AGBL1: variants seen among roughly 807,000 people sequenced by gnomAD.
AGBL1 encodes AGBL carboxypeptidase 1.
A neutral mutation model predicts 118.9 loss-of-function variants in AGBL1; 130 were observed. The ratio of observed to expected loss-of-function variants is 1.09; its 90% CI spans 0.95 to 1.26. The LOEUF is 1.26. Among genes scored for constraint, AGBL1 ranks in the 50% most tolerant of loss-of-function variants. The probability of loss-of-function intolerance (pLI) is 0.00; values close to 1 mark genes in which losing one functional copy is unlikely to be tolerated. For missense variants in AGBL1, 1,584 were observed against 1,298.1 expected, an observed-to-expected ratio of 1.22 and a Z score of -3.38; for synonymous variants, 555 against 478.9, an observed-to-expected ratio of 1.16 and a Z score of -2.08.
intron 18 of AGBL1, among the ~76,000 whole-genome samples, chr15:86,480,941 T>G (rs2082643118): frequency 6.6e-6 from 1 of 152,052 alleles, no homozygotes; most frequent in African/African-American, 2.4e-5. Context: ...TGGAAGCTTA[T>G]TCCAATAGCA....
intron 22 of AGBL1, among the ~76,000 whole-genome samples, chr15:86,779,795 A>G (rs1050694433): frequency 6.6e-6 from 1 of 151,848 alleles, no homozygotes; most frequent in Non-Finnish European, 1.5e-5. Flanking sequence ...TTTTATTTTT[A>G]TATTTTATTA....
chr15:86,637,384 G>T (rs1307581604), intron 21 of AGBL1, among the ~76,000 whole-genome samples: 1 of 152,066 alleles, frequency 6.6e-6, no homozygotes, highest in Non-Finnish European at 1.5e-5. Context: ...AAACACAAAT[G>T]AGAAAGGCAC....
chr15:86,699,284 T>A (rs2086315842), intron 22 of AGBL1, among the ~76,000 whole-genome samples: 1 of 152,064 alleles, frequency 6.6e-6, no homozygotes. Context: ...TTCAACTTTA[T>A]TCCTTAATAT....
chr15:86,883,524 CT>C (rs1210650562), intron 22 of AGBL1, among the ~76,000 whole-genome samples: 3 of 152,196 alleles, frequency 2.0e-5, no homozygotes, highest in Non-Finnish European at 4.4e-5. Flanking sequence ...CTGCCTCCCC[CT>C]GACAGAGTTA....
intron 18 of AGBL1, among the ~76,000 whole-genome samples, chr15:86,495,890 A>G (rs1016509792): frequency 2.0e-5 from 3 of 151,886 alleles, no homozygotes; most frequent in African/African-American, 7.3e-5. Flanking sequence ...GTTTATAAAA[A>G]TATCCCAATA....
chr15:87,027,030 G>T (rs987148990), intron 24 of AGBL1, among the ~76,000 whole-genome samples: 7 of 151,942 alleles, frequency 4.6e-5, no homozygotes, highest in Admixed American at 3.3e-4. Context: ...CAAATAGCGT[G>T]CAGTGCATAC....
intron 1 of AGBL1, among the ~76,000 whole-genome samples, chr15:86,080,652 G>A (rs1302848915): frequency 5.9e-5 from 9 of 152,212 alleles, no homozygotes. Flanking sequence ...TTGCAAACTT[G>A]TCTGCACATT....
At position 86,433,266 on chromosome 15, in the gene AGBL1, C is replaced by CTTTTTTTTTTTTTTTTTTT. The variant is rs59417397; in HGVS notation, c.2555+35729_2555+35747dup. ...TCTCCTCCTCCTCCTCCTCCTTCTT[C>CTTTTTTTTTTTTTTTTTTT]TTTTTTTTTTTTTTTTTTTTTTTTT... On this transcript the variant is annotated intron_variant, in intron 18 of 22. Transcript: ENST00000614907. Among the ~76,000 whole-genome samples the CTTTTTTTTTTTTTTTTTTT allele has an allele frequency of 9.3e-4, 70 of 74,892 alleles. 19 individuals carry two copies. The highest frequency in any genetic ancestry group is 1.8e-3 in the African/African-American group (34 of 19,002). The allele number at this position is 74,892 out of a possible 152,430, so 49.1% of individuals were successfully genotyped here. A position where few individuals can be genotyped will look rare whatever the true frequency, so the allele number is the denominator to read the frequency against.
chr15:86,566,499 A>T (rs2083916788), intron 21 of AGBL1, among the ~76,000 whole-genome samples: 2 of 152,162 alleles, frequency 1.3e-5, no homozygotes, highest in African/African-American at 4.8e-5. Flanking sequence ...AATAAGGAGC[A>T]GAGTAGATCT....
At chr15:86,223,195 T>C (rs1314800178) in intron 5 of AGBL1, among the ~76,000 whole-genome samples, 2 of 152,146 alleles carry the variant, frequency 1.3e-5, no homozygotes, top group Non-Finnish European at 2.9e-5. Flanking sequence ...ATAAAACCAT[T>C]ATCTAATGGA....
intron 5 of AGBL1, among the ~76,000 whole-genome samples, chr15:86,220,150 C>T (rs371089009): frequency 1.7e-4 from 26 of 152,092 alleles, no homozygotes; most frequent in African/African-American, 6.3e-4. Context: ...GATGGGGTTT[C>T]ACTATCTTGG....
intron 1 of AGBL1, among the ~76,000 whole-genome samples, chr15:86,119,861 A>AAGATTCG (rs1371861913): frequency 4.6e-5 from 7 of 152,162 alleles, no homozygotes; most frequent in African/African-American, 1.7e-4. Context: ...CAAAAGTAGA[A>AAGATTCG]AGATTCGAGT....
chr15:86,674,504 T>C (rs2085803266), intron 22 of AGBL1, 68 bp downstream of exon 22: 2 of 1,504,184 alleles, frequency 1.3e-6, no homozygotes, highest in African/African-American at 2.8e-5. Flanking sequence ...ATCTCAGTAA[T>C]GAAAGTCGAG....
At chr15:86,674,529 T>C (rs2085803788) in intron 22 of AGBL1, 93 bp downstream of exon 22, 2 of 1,272,596 alleles carry the variant, frequency 1.6e-6, no homozygotes, top group Non-Finnish European at 2.1e-6. Context: ...CCTAGGGGTC[T>C]TTACACAGAG....
At chr15:86,089,397 A>AATAAT in intron 1 of AGBL1, among the ~76,000 whole-genome samples, 1 of 152,290 alleles carries the variant, frequency 6.6e-6, no homozygotes, top group East Asian at 1.9e-4. Flanking sequence ...ATTGGGATAA[A>AATAAT]ATAATATAAG....
At chr15:86,513,131 A>G (rs1381185544) in intron 18 of AGBL1, among the ~76,000 whole-genome samples, 2 of 151,998 alleles carry the variant, frequency 1.3e-5, no homozygotes, top group African/African-American at 4.8e-5. Context: ...TTAATTACAT[A>G]CATTATTCAG....
At chr15:86,365,392 G>A (rs1225060929) in intron 17 of AGBL1, among the ~76,000 whole-genome samples, 1 of 152,152 alleles carries the variant, frequency 6.6e-6, no homozygotes, top group African/African-American at 2.4e-5. Flanking sequence ...TTGGTTGGGA[G>A]AAACTGACAA....
intron 15 of AGBL1, among the ~76,000 whole-genome samples, chr15:86,274,745 T>G (rs927275465): frequency 6.6e-6 from 1 of 152,232 alleles, no homozygotes; most frequent in Non-Finnish European, 1.5e-5. Context: ...CTAGTTTGTT[T>G]TATAATTACC....
chr15:86,915,560 C>T lies in AGBL1; in HGVS notation c.*8266C>T, dbSNP rs1240548192. The T allele has an allele frequency of 6.6e-6, 1 of 152,156 alleles. No homozygotes were observed. The highest frequency in any genetic ancestry group is 1.5e-5 in the Non-Finnish European group (1 of 68,068). The allele number at this position is 152,156 out of a possible 1,614,324, so 9.4% of individuals were successfully genotyped here. The stretch of plus-strand genomic sequence containing the variant: ...GTCTCCCATGATCTGATTCTGAGTT[C>T]CTACTGTCATCTTGGAGAAACCCAG... On this transcript the variant is annotated 3_prime_UTR_variant, in exon 23 of 23. Coordinates refer to ENST00000614907, the MANE Select transcript of AGBL1 (RefSeq NM_001386094.1).
Sources: allele counts gnomAD v4.1 joint callset (sites outside exome capture counted in the v4.1 genomes callset), GRCh38; gene constraint gnomAD v4.1.1; transcripts MANE v1.5; gene names NCBI Gene and HGNC (gene_info 2026-07-23, HGNC 2026-07-21).